C12orf42: variants seen among roughly 807,000 people sequenced by gnomAD.
C12orf42 encodes uncharacterized protein C12orf42.
Under a neutral mutation model 21.6 loss-of-function variants are expected in C12orf42, and 25 were observed. The ratio of observed to expected loss-of-function variants is 1.16; its 90% CI spans 0.84 to 1.62. The LOEUF (loss-of-function observed/expected upper bound fraction) is 1.62. C12orf42 is among the 40% of genes most tolerant of loss of function. C12orf42 has a pLI of 0.00. For missense variants in C12orf42, 483 were observed against 459.3 expected, an observed-to-expected ratio of 1.05 and a Z score of -0.47; for synonymous variants, 174 against 175.0, an observed-to-expected ratio of 0.99 and a Z score of 0.05.
At chr12:103,364,728 C>T (rs540110812) in intron 4 of C12orf42, among the ~76,000 whole-genome samples, 9 of 151,684 alleles carry the variant, frequency 5.9e-5, no homozygotes, top group Non-Finnish European at 1.2e-4. Context: ...AAATAGAAAA[C>T]CTAAAGGAGA....
chr12:103,475,371 C>T (rs1953969846), intron 2 of C12orf42, among the ~76,000 whole-genome samples: 1 of 152,186 alleles, frequency 6.6e-6, no homozygotes, highest in Admixed American at 6.5e-5. Context: ...TTGGTCATTG[C>T]TAAGTAACTT....
At chr12:103,260,106 AT>A (rs2034820302) in intron 10 of C12orf42, among the ~76,000 whole-genome samples, 1 of 152,202 alleles carries the variant, frequency 6.6e-6, no homozygotes, top group South Asian at 2.1e-4. Context: ...AGAAAAAAAA[AT>A]TGTACAATCT....
At chr12:103,188,053 G>A in the C12orf42 span, among the ~76,000 whole-genome samples, 5 of 152,194 alleles carry the variant, frequency 3.3e-5, no homozygotes, top group Non-Finnish European at 7.3e-5. Context: ...TCTCATTTAT[G>A]TGTCTTGGGT....
chr12:103,464,368 C>A (rs1345283365), intron 2 of C12orf42, among the ~76,000 whole-genome samples: 1 of 149,392 alleles, frequency 6.7e-6, no homozygotes, highest in East Asian at 1.9e-4. Context: ...ATATAAATGT[C>A]TTCTTTTGAG....
chr12:103,293,656 T>C (rs1018598944), intron 4 of C12orf42, among the ~76,000 whole-genome samples: 1 of 152,184 alleles, frequency 6.6e-6, no homozygotes, highest in African/African-American at 2.4e-5. Context: ...TTAGAATTTT[T>C]TCTATGTTAT....
chr12:103,545,418 ATAAACAAAGATG>A, the C12orf42 span, among the ~76,000 whole-genome samples: 1 of 152,242 alleles, frequency 6.6e-6, no homozygotes, highest in African/African-American at 2.4e-5. Context: ...GTAGAAGAGC[ATAAACAAAGATG>A]TAAAGAGTTG....
At chr12:103,391,531 C>T (rs931885747) in intron 3 of C12orf42, among the ~76,000 whole-genome samples, 1 of 152,080 alleles carries the variant, frequency 6.6e-6, no homozygotes, top group African/African-American at 2.4e-5. Flanking sequence ...AACATCTTTT[C>T]ATGTGCCTAT....
chr12:103,195,660 T>A, the C12orf42 span, among the ~76,000 whole-genome samples: 1 of 152,006 alleles, frequency 6.6e-6, no homozygotes, highest in Non-Finnish European at 1.5e-5. Context: ...TCATTAATAT[T>A]TTTAAGTTGT....
At chr12:103,421,578 T>TATAAATAAATAAATAA (rs58157140) in intron 2 of C12orf42, among the ~76,000 whole-genome samples, 2 of 147,222 alleles carry the variant, frequency 1.4e-5, no homozygotes, top group African/African-American at 5.0e-5. Flanking sequence ...TGTCAATAAA[T>TATAAATAAATAAATAA]ATAAATAAAT....
chr12:103,354,612 G>A (rs1305460761), intron 4 of C12orf42, among the ~76,000 whole-genome samples: 1 of 152,122 alleles, frequency 6.6e-6, no homozygotes, highest in Non-Finnish European at 1.5e-5. Flanking sequence ...TGCAGAGTCA[G>A]CATTTAATAA....
At chr12:103,220,759 G>A in the C12orf42 span, among the ~76,000 whole-genome samples, 1 of 152,154 alleles carries the variant, frequency 6.6e-6, no homozygotes, top group African/African-American at 2.4e-5. Flanking sequence ...ACAACTGCCA[G>A]TCAAGCCTTC....
chr12:103,312,519 G>C (rs1162876127), intron 4 of C12orf42, among the ~76,000 whole-genome samples: 1 of 152,214 alleles, frequency 6.6e-6, no homozygotes, highest in Non-Finnish European at 1.5e-5. Flanking sequence ...TGAATAAAAT[G>C]AGCAGGATCA....
chr12:103,068,184 G>A, the C12orf42 span, among the ~76,000 whole-genome samples: 1,775 of 152,280 alleles, frequency 0.012, 39 homozygotes, highest in African/African-American at 0.04. Flanking sequence ...ATTGTCATGA[G>A]TATTTCCTCC....
chr12:103,160,175 T>C, the C12orf42 span, among the ~76,000 whole-genome samples: 1 of 152,252 alleles, frequency 6.6e-6, no homozygotes. Context: ...ATTCCATCAT[T>C]GATCCTTCCC....
intron 3 of C12orf42, among the ~76,000 whole-genome samples, chr12:103,375,031 T>C (rs549300437): frequency 4.2e-3 from 646 of 152,326 alleles, no homozygotes; most frequent in Non-Finnish European, 7.0e-3. Flanking sequence ...ATGAAGTATT[T>C]TGTTGCTGCC....
intron 2 of C12orf42, among the ~76,000 whole-genome samples, chr12:103,407,187 T>C (rs189609446): frequency 6.6e-6 from 1 of 152,204 alleles, no homozygotes; most frequent in East Asian, 1.9e-4. Flanking sequence ...CCCATCAGGA[T>C]GATTGCAGAG....
chr12:103,374,019 G>A (rs2045485880), intron 3 of C12orf42, among the ~76,000 whole-genome samples: 1 of 152,146 alleles, frequency 6.6e-6, no homozygotes, highest in South Asian at 2.1e-4. Flanking sequence ...CAGTGTTAAG[G>A]TGAAATAACC....
chr12:103,297,679 GATGAGCATCGATGCAAAAATCCTC>G (rs1468890540), downstream of C12orf42, among the ~76,000 whole-genome samples: 1 of 151,680 alleles, frequency 6.6e-6, no homozygotes, highest in African/African-American at 2.4e-5. Context: ...CAATATCCCT[GATGAGCATCGATGCAAAAATCCTC>G]AATAAAATAC....
the C12orf42 span, among the ~76,000 whole-genome samples, chr12:103,191,280 C>T: frequency 1.3e-5 from 2 of 148,590 alleles, no homozygotes; most frequent in South Asian, 4.5e-4. Flanking sequence ...CAAATTGAAA[C>T]AAAATGACAC....
Sources: gnomAD v4.1 joint callset for allele counts (sites outside exome capture counted in the v4.1 genomes callset) on GRCh38, gnomAD v4.1.1 for gene constraint, MANE v1.5 for transcripts, NCBI Gene and HGNC (gene_info 2026-07-23, HGNC 2026-07-21) for gene names.